STRA8: variants seen among roughly 807,000 people sequenced by gnomAD.
STRA8 encodes stimulated by retinoic acid gene 8 protein homolog.
STRA8 carries 18 observed loss-of-function variants against 37.1 expected under a neutral mutation model. The ratio of observed to expected loss-of-function variants is 0.48; its 90% CI spans 0.34 to 0.72. STRA8 has a LOEUF of 0.72. Ranked by LOEUF, STRA8 falls within the 30% of genes least tolerant of loss-of-function variation. The probability of loss-of-function intolerance (pLI) is 0.01; values close to 1 mark genes in which losing one functional copy is unlikely to be tolerated. For missense variants in STRA8, 357 were observed against 410.4 expected (o/e 0.87, Z 1.13); for synonymous variants, 168 against 162.9 (o/e 1.03, Z -0.24).
upstream of STRA8, chr7:135,232,059 CT>C (rs1562966599): frequency 4.4e-6 from 7 of 1,604,594 alleles, no homozygotes; most frequent in East Asian, 2.3e-5. Context: ...TTCTTAGTAA[CT>C]TTCCCCCCAG....
In STRA8 at chr7:135,246,450, T is replaced by C. The variant is rs1417101464; in HGVS notation, c.627T>C (p.Leu209=). 1 of 1,602,248 alleles carries C rather than the reference T, an allele frequency of 6.2e-7. No homozygotes were observed. The highest frequency in any genetic ancestry group is 8.5e-7 in the Non-Finnish European group (1 of 1,173,942). ...ACTTTTACAAACAGACGATGGACCTTCTGACTGGCAGCGGGATCATTACCC... is the reference window on the plus strand; with the variant it reads ...ACTTTTACAAACAGACGATGGACCTCCTGACTGGCAGCGGGATCATTACCC... ...YLNFYKQTMD[L]LTGSGIITPQ... The change falls in exon 6 of 9, where the codon CTT becomes CTC. Residue 209 remains leucine (L), a synonymous_variant. Transcript: ENST00000662584. This position sits in a 1 kb window ranked among gnomAD's most constrained non-coding sequence, Gnocchi z 5.4.
At chr7:135,232,002 G>C (rs1312203249), upstream of STRA8, 1 of 1,614,086 alleles carries the variant, frequency 6.2e-7, no homozygotes, top group East Asian at 2.2e-5. Context: ...ATGTGGACAA[G>C]ATCCTCTTTT....
chr7:135,255,376 A>G (rs916653714), intron 8 of STRA8, 151 bp downstream of exon 8: 2 of 608,800 alleles, frequency 3.3e-6, no homozygotes, highest in Admixed American at 5.9e-5. Flanking sequence ...GGCTTGCTCC[A>G]TGAATGGTCA....
At chr7:135,253,534 AG>A (rs1832665992) in intron 7 of STRA8, among the ~76,000 whole-genome samples, 1 of 152,154 alleles carries the variant, frequency 6.6e-6, no homozygotes, top group South Asian at 2.1e-4. Flanking sequence ...AGTTCTGCAA[AG>A]GGGGGTTGCT....
chr7:135,243,405 TGACAGGTAA>T lies in STRA8; in HGVS notation c.353_353+8del. On this transcript the variant is annotated splice_donor_variant and splice_donor_region_variant and coding_sequence_variant and intron_variant, in exon 4 of 9. Transcript: ENST00000662584. LOFTEE classifies it high-confidence loss of function. ...AATATGCCAGCATGTATTCTGGAAATGACAGGTAAGACACCACAAACCCCAGGAAGCTGG... is the reference window on the plus strand; with the variant it reads ...AATATGCCAGCATGTATTCTGGAAATGACACCACAAACCCCAGGAAGCTGG... 1 of 1,614,034 alleles carries T rather than the reference TGACAGGTAA, an allele frequency of 6.2e-7. No homozygotes were observed. Among genetic ancestry groups the T allele is most frequent in the East Asian group, 2.2e-5 (1 of 44,888 alleles).
At position 135,240,604 on chromosome 7, in the gene STRA8, A is replaced by G; in HGVS notation, c.80A>G (p.His27Arg). 2 of 1,614,198 alleles carry G rather than the reference A, an allele frequency of 1.2e-6. No homozygotes were observed. The highest frequency in any genetic ancestry group is 1.7e-6 in the Non-Finnish European group (2 of 1,180,046). The change falls in exon 2 of 9, where the codon CAT becomes CGT. Residue 27 changes from histidine to arginine, a missense_variant. Physicochemically the swap from His to Arg is conservative, Grantham distance 29 (BLOSUM62 0). Transcript: ENST00000662584. ...CCAGCACAGCTGCAGGAGCTTGAGCATCGGGTGGCCCGGAGACGGCTGTCC... is the reference window on the plus strand; with the variant it reads ...CCAGCACAGCTGCAGGAGCTTGAGCGTCGGGTGGCCCGGAGACGGCTGTCC... ...QLPAQLQELE[H>R]RVARRRLSQA...
chr7:135,248,978 A>G (rs1469539425), intron 6 of STRA8, among the ~76,000 whole-genome samples: 2 of 152,186 alleles, frequency 1.3e-5, no homozygotes, highest in African/African-American at 4.8e-5. Flanking sequence ...AAAAAGCCAG[A>G]AGATTAGGAC....
upstream of STRA8, among the ~76,000 whole-genome samples, chr7:135,232,537 G>A (rs548692021): frequency 5.3e-5 from 8 of 152,170 alleles, no homozygotes; most frequent in African/African-American, 1.9e-4. Flanking sequence ...CGGCTACTCA[G>A]GAGGCTGAGG....
chr7:135,246,144 T>C lies in STRA8; in HGVS notation c.594-273T>C. The C allele has an allele frequency of 1.9e-6, 1 of 516,852 alleles. No individual in the cohort carries two copies. The highest frequency in any genetic ancestry group is 3.5e-6 in the Non-Finnish European group (1 of 288,830). 32.0% of individuals were successfully genotyped at this position (516,852 alleles called of 1,614,324 possible). ...TGAGAGCTGAGGCAGCTACGCCTCT[T>C]ATCTGCTTCTGTCTAACACAGAAGG... On this transcript the variant is annotated intron_variant, in intron 5 of 8. Transcript: ENST00000662584. This position sits in a 1 kb window ranked among gnomAD's most constrained non-coding sequence, Gnocchi z 5.4.
rs541900433 is a variant in STRA8, at chr7:135,236,470, C to T, written c.-7+2567C>T. 5.3e-5 allele frequency among the ~76,000 whole-genome samples: 8 copies of T among 152,152 alleles called. No homozygotes were observed. In the South Asian group the frequency reaches 1.7e-3, roughly 32 times the overall value. ...GTCTCTGCATCATCCTTAAGATTAG[C>T]TTCCTTCAAACTACTATCTCTGTAC... On this transcript the variant is annotated intron_variant, in intron 1 of 8. Coordinates refer to ENST00000662584, the MANE Select transcript of STRA8 (RefSeq NM_001394401.1).
At position 135,246,218 on chromosome 7, in the gene STRA8, A is replaced by G. The variant is rs1832550524; in HGVS notation, c.594-199A>G. ...AACTTGGGGAGGGGCCCCAAAGCCCAAGTCTATGTCCTTCATGGCCCCCAG... is the reference window on the plus strand; with the variant it reads ...AACTTGGGGAGGGGCCCCAAAGCCCGAGTCTATGTCCTTCATGGCCCCCAG... On this transcript the variant is annotated intron_variant, in intron 5 of 8. Transcript: ENST00000662584. The surrounding 1 kb of genome is among the most constrained non-coding windows in gnomAD (Gnocchi z 5.4). 1.4e-6 allele frequency: 1 copy of G among 707,000 alleles called. No individual in the cohort carries two copies. The allele number at this position is 707,000 out of a possible 1,614,324, so 43.8% of individuals were successfully genotyped here.
intron 6 of STRA8, among the ~76,000 whole-genome samples, chr7:135,247,532 T>A (rs1461673038): frequency 6.6e-6 from 1 of 152,072 alleles, no homozygotes; most frequent in Admixed American, 6.6e-5. Context: ...TTCTTAAGAG[T>A]TAAGGAAGAA....
chr7:135,242,807 T>G lies in STRA8; in HGVS notation c.219T>G (p.Ser73Arg), dbSNP rs770370441. 6.2e-7 allele frequency: 1 copy of G among 1,614,046 alleles called. No individual in the cohort carries two copies. The highest frequency in any genetic ancestry group is 8.5e-7 in the Non-Finnish European group (1 of 1,179,982). The change falls in exon 3 of 9, where the codon AGT becomes AGG. Residue 73 changes from serine to arginine, a missense_variant. Coordinates refer to ENST00000662584, the MANE Select transcript of STRA8 (RefSeq NM_001394401.1). ...SKWQVLNKAKSHIPELEQTLD... is the reference protein window; with the variant it reads ...SKWQVLNKAKRHIPELEQTLD... ...GGCAGGTTCTGAATAAGGCAAAGAG[T>G]CATATTCCAGAACTGGAGCAAACCC...
At chr7:135,234,483 T>G (rs1287409432) in intron 1 of STRA8, among the ~76,000 whole-genome samples, 1 of 152,210 alleles carries the variant, frequency 6.6e-6, no homozygotes, top group African/African-American at 2.4e-5. Flanking sequence ...TAGTACATTA[T>G]GCAGTGTATT....
rs116978362 is a variant in STRA8, at chr7:135,234,392, G to T, written c.-7+489G>T. Among the ~76,000 whole-genome samples the T allele has an allele frequency of 0.013, 2,019 of 152,306 alleles. 142 individuals carry two copies. The East Asian group carries it at 0.21, about 16-fold the overall frequency. On this transcript the variant is annotated intron_variant, in intron 1 of 8. Transcript: ENST00000662584. ...CCAAAGTGTGGGATTACAGGCAGGAGCCACGGCACCCAGCCAATTCTGGAT... is the reference window on the plus strand; with the variant it reads ...CCAAAGTGTGGGATTACAGGCAGGATCCACGGCACCCAGCCAATTCTGGAT...
At chr7:135,250,817 C>A (rs1240660599) in intron 6 of STRA8, among the ~76,000 whole-genome samples, 1 of 152,204 alleles carries the variant, frequency 6.6e-6, no homozygotes, top group Non-Finnish European at 1.5e-5. Context: ...ATCTGAAATT[C>A]AAAATGTAAC....
At position 135,246,839 on chromosome 7, in the gene STRA8, CTTTT is replaced by C. The variant is rs1225424310; in HGVS notation, c.879+140_879+143del. 7 of 841,354 alleles carry C rather than the reference CTTTT, an allele frequency of 8.3e-6. No homozygotes were observed. Among genetic ancestry groups the C allele is most frequent in the South Asian group, 4.1e-5 (2 of 48,664 alleles). The allele number at this position is 841,354 out of a possible 1,614,324, so 52.1% of individuals were successfully genotyped here. On this transcript the variant is annotated intron_variant, in intron 6 of 8. Coordinates refer to ENST00000662584, the MANE Select transcript of STRA8 (RefSeq NM_001394401.1). The surrounding 1 kb of genome is among the most constrained non-coding windows in gnomAD (Gnocchi z 5.4). Reference sequence around the variant, plus strand: ...GCTCCCAAGGTCGGTTTCTGATTTTCTTTTTTCTCTTTTTTTTTTTTTTGAGACG... The same window carrying C: ...GCTCCCAAGGTCGGTTTCTGATTTTCTTCTCTTTTTTTTTTTTTTGAGACG...
intron 1 of STRA8, among the ~76,000 whole-genome samples, chr7:135,240,064 A>G (rs934451346): frequency 5.3e-5 from 8 of 152,142 alleles, no homozygotes; most frequent in Admixed American, 5.2e-4. Context: ...CTTTGAACAG[A>G]CTAAAGTAAA....
chr7:135,243,325 G>T lies in STRA8; in HGVS notation c.269-1G>T. On this transcript the variant is annotated splice_acceptor_variant, in intron 3 of 8. Coordinates refer to ENST00000662584, the MANE Select transcript of STRA8 (RefSeq NM_001394401.1). LOFTEE classifies it high-confidence loss of function. ...GTTCCTGGTCTTCAACTCCCCAATA[G>T]CATCCTTCAACCTGGAAGATGGGCA... 1 of 1,614,098 alleles carries T rather than the reference G, an allele frequency of 6.2e-7. No individual in the cohort carries two copies. Among genetic ancestry groups the T allele is most frequent in the Non-Finnish European group, 8.5e-7 (1 of 1,179,976 alleles).
Sources: allele counts gnomAD v4.1 joint callset (sites outside exome capture counted in the v4.1 genomes callset), GRCh38; gene constraint gnomAD v4.1.1; non-coding constraint Gnocchi (gnomAD v3.1); transcripts MANE v1.5; gene names NCBI Gene and HGNC (gene_info 2026-07-23, HGNC 2026-07-21).